ATG7: variants seen among roughly 807,000 people sequenced by gnomAD.
ATG7 encodes the protein autophagy related 7, also known as ubiquitin-like modifier-activating enzyme ATG7.
In ATG7, 70 loss-of-function variants were observed where a neutral mutation model predicts 82.4. The ratio of observed to expected loss-of-function variants is 0.85; its 90% CI spans 0.70 to 1.04. The LOEUF (loss-of-function observed/expected upper bound fraction) is 1.04, where lower values mean the gene tolerates loss of function less well. ATG7 is among the 50% of genes least tolerant of loss of function. The probability of loss-of-function intolerance (pLI) is 0.00; values close to 1 mark genes in which losing one functional copy is unlikely to be tolerated. For synonymous variants in ATG7, 287 were observed against 313.0 expected (o/e 0.92, Z 0.88); for missense variants, 792 against 864.3 (o/e 0.92, Z 1.05).
chr3:11,555,342 G>T lies in ATG7; in HGVS notation c.*499G>T. 6.4e-6 allele frequency: 1 copy of T among 156,238 alleles called. No homozygotes were observed. The allele number at this position is 156,238 out of a possible 1,614,324, so 9.7% of individuals were successfully genotyped here. A position where few individuals can be genotyped will look rare whatever the true frequency, so the allele number is the denominator to read the frequency against. On this transcript the variant is annotated 3_prime_UTR_variant, in exon 21 of 21. Transcript: ENST00000693202. Reference sequence around the variant, plus strand: ...CGTGAGCGCACTGCACCCTGGCCCTGGTGGAGCGGGAGGAGGAGGAGAGCC... The same window carrying T: ...CGTGAGCGCACTGCACCCTGGCCCTTGTGGAGCGGGAGGAGGAGGAGAGCC...
chr3:11,530,232 C>T (rs1286096804), intron 20 of ATG7, among the ~76,000 whole-genome samples: 1 of 152,146 alleles, frequency 6.6e-6, no homozygotes, highest in Non-Finnish European at 1.5e-5. Context: ...TTTGTCAGAG[C>T]GGCTCCCAGA....
At chr3:11,477,148 T>G in intron 20 of ATG7, 1 of 1,289,836 alleles carries the variant, frequency 7.8e-7, no homozygotes, top group South Asian at 1.2e-5. Context: ...TTTGAGATCT[T>G]CGGCTCTGGA....
intron 20 of ATG7, among the ~76,000 whole-genome samples, chr3:11,477,677 A>C (rs1453241212): frequency 1.3e-5 from 2 of 152,186 alleles, no homozygotes; most frequent in African/African-American, 4.8e-5. Context: ...AACCTGAACA[A>C]GGGGGAATTT....
At chr3:11,318,388 A>G (rs1949735321) in intron 9 of ATG7, among the ~76,000 whole-genome samples, 1 of 152,220 alleles carries the variant, frequency 6.6e-6, no homozygotes, top group African/African-American at 2.4e-5. Flanking sequence ...CAAGTAATGG[A>G]AGATAAGTTC....
downstream of ATG7, among the ~76,000 whole-genome samples, chr3:11,561,192 C>T (rs906033289): frequency 6.6e-6 from 1 of 152,086 alleles, no homozygotes; most frequent in Non-Finnish European, 1.5e-5. Context: ...TTGCAGCGAG[C>T]GTGTCCTGAC....
Position 11,315,353 on chromosome 3 carries a change from C to T in ATG7, c.538C>T (p.Leu180=). The T allele has an allele frequency of 6.3e-7, 1 of 1,594,820 alleles. No individual in the cohort carries two copies. The highest frequency in any genetic ancestry group is 1.4e-5 in the African/African-American group (1 of 74,046). Residue 180 remains leucine (L), a synonymous_variant, in exon 9 of 21, where the codon CTA becomes TTA. Transcript: ENST00000693202. ...QRFSLKQIEA[L]ECAYDNLCQT... is the part of the protein sequence containing the mutation. ...TGTTTTCTGTTTTCAGATTGAAGCA[C>T]TAGAGTGTGCATATGATAATCTTTG...
In ATG7 at chr3:11,472,350, C is replaced by G. The variant is rs146180540; in HGVS notation, c.2079+45424C>G. On this transcript the variant is annotated intron_variant, in intron 20 of 20. Coordinates refer to ENST00000693202, the MANE Select transcript of ATG7 (RefSeq NM_001349232.2). ...CTTACGTCCCCAAGCTTAGTGACTCCTGTGGAAGGAGAGCGTTGTTCCCAA... is the reference window on the plus strand; with the variant it reads ...CTTACGTCCCCAAGCTTAGTGACTCGTGTGGAAGGAGAGCGTTGTTCCCAA... 1.2e-4 allele frequency among the ~76,000 whole-genome samples: 19 copies of G among 152,250 alleles called. No individual in the cohort carries two copies. The East Asian group carries it at 3.7e-3, about 30-fold the overall frequency.
intron 20 of ATG7, among the ~76,000 whole-genome samples, chr3:11,509,683 G>A (rs188310797): frequency 6.6e-6 from 1 of 152,082 alleles, no homozygotes; most frequent in East Asian, 1.9e-4. Flanking sequence ...TTTAAGATGT[G>A]ATTCACTAGG....
chr3:11,490,215 C>A (rs1418234857), intron 20 of ATG7, among the ~76,000 whole-genome samples: 3 of 152,146 alleles, frequency 2.0e-5, no homozygotes, highest in Non-Finnish European at 4.4e-5. Flanking sequence ...TGAATTGATC[C>A]CTTTACAATT....
chr3:11,561,916 T>A (rs373831772), downstream of ATG7, among the ~76,000 whole-genome samples: 216 of 148,360 alleles, frequency 1.5e-3, no homozygotes, highest in African/African-American at 5.2e-3. Context: ...TTTTTTTTTT[T>A]AAAGACAAAG....
chr3:11,336,071 G>A (rs1342885000), intron 11 of ATG7, among the ~76,000 whole-genome samples: 2 of 131,150 alleles, frequency 1.5e-5, no homozygotes, highest in Admixed American at 8.9e-5. Context: ...AGACAGTCTC[G>A]CTCTGTTGCC....
At chr3:11,462,362 A>G (rs2086392421) in intron 20 of ATG7, among the ~76,000 whole-genome samples, 1 of 152,120 alleles carries the variant, frequency 6.6e-6, no homozygotes, top group Admixed American at 6.6e-5. Context: ...CACAAGTCCT[A>G]GAGGCAGGAG....
At chr3:11,493,224 A>G (rs908117083) in intron 20 of ATG7, among the ~76,000 whole-genome samples, 9 of 152,126 alleles carry the variant, frequency 5.9e-5, no homozygotes, top group Admixed American at 1.3e-4. Flanking sequence ...CCTGAAGTCA[A>G]TTTGCCTCTC....
At chr3:11,359,051 T>G (rs551115707) in intron 15 of ATG7, among the ~76,000 whole-genome samples, 28 of 152,166 alleles carry the variant, frequency 1.8e-4, no homozygotes, top group Non-Finnish European at 3.8e-4. Flanking sequence ...AATGCCACAT[T>G]ATATTAAATA....
At chr3:11,568,697 C>T in the ATG7 span, 4 of 1,550,492 alleles carry the variant, frequency 2.6e-6, no homozygotes, top group Non-Finnish European at 3.5e-6. This position sits in a 1 kb window ranked among gnomAD's most constrained non-coding sequence, Gnocchi z 5.9. Context: ...CCGGCCACTG[C>T]TTCCCAGGCG....
chr3:11,559,132 C>T (rs139047771), downstream of ATG7, among the ~76,000 whole-genome samples: 8 of 152,346 alleles, frequency 5.3e-5, no homozygotes, highest in South Asian at 4.1e-4. Flanking sequence ...TGGAACTGAG[C>T]GAGGCGGTGT....
At chr3:11,308,946 C>G (rs773048956) in intron 6 of ATG7, 38 bp from the exon 7 acceptor site, 1 of 1,571,568 alleles carries the variant, frequency 6.4e-7, no homozygotes, top group Non-Finnish European at 8.8e-7. Context: ...CTCAGAGATG[C>G]CTGGTAACCT....
At chr3:11,426,781 T>C (rs1457231270) in intron 19 of ATG7, 23 bp from the exon 20 acceptor site, 1 of 1,544,538 alleles carries the variant, frequency 6.5e-7, no homozygotes, top group Non-Finnish European at 8.7e-7. Flanking sequence ...GACTCCTTTT[T>C]AAAAAATGTA....
chr3:11,574,954 T>A, the ATG7 span, among the ~76,000 whole-genome samples: 1 of 152,018 alleles, frequency 6.6e-6, no homozygotes, highest in African/African-American at 2.4e-5. Flanking sequence ...CGAGTTACCA[T>A]CCAAAACCCT....
Sources: gnomAD v4.1 joint callset for allele counts (sites outside exome capture counted in the v4.1 genomes callset) on GRCh38, gnomAD v4.1.1 for gene constraint, Gnocchi (gnomAD v3.1) non-coding constraint, MANE v1.5 for transcripts, NCBI Gene and HGNC (gene_info 2026-07-23, HGNC 2026-07-21) for gene names.